Variants in MKLN1 observed in about 807,000 individuals in gnomAD.
The protein encoded by MKLN1 is muskelin.
A neutral mutation model predicts 99.0 loss-of-function variants in MKLN1; 18 were observed. The observed-to-expected ratio is 0.18, with a 90% CI of 0.13 to 0.27. MKLN1 has a LOEUF of 0.27. Among genes scored for constraint, MKLN1 ranks in the 10% least tolerant of loss-of-function variants. The pLI is 1.00. For synonymous variants in MKLN1, 288 were observed against 293.2 expected (o/e 0.98, Z 0.18); for missense variants, 621 against 875.9 (o/e 0.71, Z 3.67).
At chr7:131,305,963 C>T (rs901175725) in intron 3 of MKLN1, among the ~76,000 whole-genome samples, 3 of 152,242 alleles carry the variant, frequency 2.0e-5, no homozygotes, top group South Asian at 2.1e-4. Flanking sequence ...ATAATCCCCA[C>T]GTGTCAGGGA....
At chr7:131,260,852 C>T (rs1213100017) in intron 3 of MKLN1, among the ~76,000 whole-genome samples, 1 of 152,096 alleles carries the variant, frequency 6.6e-6, no homozygotes, top group African/African-American at 2.4e-5. Flanking sequence ...CACCTACAAC[C>T]ATCTGATGTT....
intron 1 of MKLN1, among the ~76,000 whole-genome samples, chr7:131,129,801 C>T (rs1795521338): frequency 6.6e-6 from 1 of 152,130 alleles, no homozygotes; most frequent in African/African-American, 2.4e-5. Flanking sequence ...GTCTTGAACT[C>T]CCAGCCTCAA....
chr7:131,394,851 C>G (rs1794309617), intron 4 of MKLN1, among the ~76,000 whole-genome samples: 1 of 151,972 alleles, frequency 6.6e-6, no homozygotes, highest in Admixed American at 6.6e-5. Flanking sequence ...CATTAAAATT[C>G]ACTGGTCTAT....
intron 2 of MKLN1, among the ~76,000 whole-genome samples, chr7:131,159,447 T>G (rs1796015065): frequency 6.6e-6 from 1 of 152,182 alleles, no homozygotes; most frequent in Non-Finnish European, 1.5e-5. Flanking sequence ...GTCATTTTGT[T>G]AAGTGAAATA....
intron 9 of MKLN1, among the ~76,000 whole-genome samples, chr7:131,429,425 CTG>C (rs1031952620): frequency 1.1e-4 from 16 of 152,244 alleles, no homozygotes; most frequent in African/African-American, 3.6e-4. Flanking sequence ...AGAAATGTAA[CTG>C]TGTAACTGTC....
chr7:131,376,249 C>G (rs1192368153), intron 2 of MKLN1, among the ~76,000 whole-genome samples: 1 of 148,832 alleles, frequency 6.7e-6, no homozygotes, highest in Non-Finnish European at 1.5e-5. Context: ...TTTTTGGGAG[C>G]CGCAGTGGCT....
intron 17 of MKLN1, among the ~76,000 whole-genome samples, chr7:131,483,421 A>C (rs1035307629): frequency 4.6e-5 from 7 of 152,198 alleles, no homozygotes; most frequent in Non-Finnish European, 1.0e-4. Context: ...CAAAGAGTAC[A>C]GAGTTAGGTT....
intron 1 of MKLN1, among the ~76,000 whole-genome samples, chr7:131,114,939 A>G (rs1341902588): frequency 7.0e-6 from 1 of 142,484 alleles, no homozygotes; most frequent in Non-Finnish European, 1.6e-5. Context: ...CTGTCTCAAG[A>G]AAAAAAAAAA....
chr7:131,205,557 G>A (rs2116418756), intron 3 of MKLN1, among the ~76,000 whole-genome samples: 1 of 152,172 alleles, frequency 6.6e-6, no homozygotes, highest in South Asian at 2.1e-4. Flanking sequence ...CAGAAGTCCT[G>A]GTGGGCTTGG....
chr7:131,414,917 G>T (rs534378152), intron 8 of MKLN1, among the ~76,000 whole-genome samples: 46 of 152,146 alleles, frequency 3.0e-4, no homozygotes, highest in African/African-American at 1.1e-3. Context: ...TATTTTCATG[G>T]AAAACTGGTG....
intron 15 of MKLN1, among the ~76,000 whole-genome samples, chr7:131,468,324 ACATT>A (rs1487695272): frequency 6.6e-6 from 1 of 152,234 alleles, no homozygotes; most frequent in Non-Finnish European, 1.5e-5. Context: ...GGACATCGCT[ACATT>A]ATAGACAGAA....
At chr7:131,479,606 C>T (rs983660007) in intron 17 of MKLN1, among the ~76,000 whole-genome samples, 2 of 149,354 alleles carry the variant, frequency 1.3e-5, no homozygotes, top group East Asian at 4.0e-4. Flanking sequence ...GCAGGAGGAT[C>T]ACGAGGTCAG....
rs546267443 is a variant in MKLN1, at chr7:131,197,303, G to A, written c.-296-5554G>A. 3.3e-5 allele frequency among the ~76,000 whole-genome samples: 5 copies of A among 151,524 alleles called. No homozygotes were observed. In the East Asian group the frequency reaches 7.7e-4, roughly 23 times the overall value. On this transcript the variant is annotated intron_variant, in intron 2 of 7. Coordinates refer to the MKLN1 transcript ENST00000416992. ...TCTGCAGCCTTGACCTCTTGGGCTC[G>A]AGCAATCCTCCCACTTCAGCCCCCT...
intron 3 of MKLN1, among the ~76,000 whole-genome samples, chr7:131,224,802 A>ATG (rs1797116908): frequency 6.6e-6 from 1 of 151,492 alleles, no homozygotes; most frequent in Non-Finnish European, 1.5e-5. Context: ...GGCTGGGCGC[A>ATG]GTGGCTCATG....
intron 16 of MKLN1, among the ~76,000 whole-genome samples, chr7:131,474,511 C>T (rs1033437568): frequency 2.0e-5 from 3 of 152,218 alleles, no homozygotes; most frequent in Non-Finnish European, 2.9e-5. Flanking sequence ...AATCCTTAGG[C>T]CAGTACATAC....
intron 1 of MKLN1, among the ~76,000 whole-genome samples, chr7:131,129,481 T>C (rs959271505): frequency 6.6e-6 from 1 of 152,242 alleles, no homozygotes; most frequent in African/African-American, 2.4e-5. Flanking sequence ...AAAAGAATTA[T>C]TGCATAAATT....
At chr7:131,291,320 G>A (rs1203874576) in intron 3 of MKLN1, among the ~76,000 whole-genome samples, 1 of 150,872 alleles carries the variant, frequency 6.6e-6, no homozygotes, top group African/African-American at 2.4e-5. Flanking sequence ...TAGTAGAGAT[G>A]GGGTTTCATC....
intron 8 of MKLN1, among the ~76,000 whole-genome samples, chr7:131,428,555 G>C (rs1795427459): frequency 6.6e-6 from 1 of 152,106 alleles, no homozygotes; most frequent in African/African-American, 2.4e-5. Context: ...TTCTTATGCT[G>C]TACTTTTACA....
In MKLN1 at chr7:131,139,296, T is replaced by C. The variant is rs1795696539; in HGVS notation, c.-418-3524T>C. 1.3e-5 allele frequency among the ~76,000 whole-genome samples: 2 copies of C among 151,960 alleles called. 1 individual carries two copies. The highest frequency in any genetic ancestry group is 1.3e-4 in the Admixed American group (2 of 15,264). Reference sequence around the variant, plus strand: ...CAGCATCATTGTGGCCTCTGTGTGGTCTATTGGCTCTAACCCATTTTTGGC... The same window carrying C: ...CAGCATCATTGTGGCCTCTGTGTGGCCTATTGGCTCTAACCCATTTTTGGC... On this transcript the variant is annotated intron_variant, in intron 1 of 7. Coordinates refer to the MKLN1 transcript ENST00000416992.
Sources: gnomAD v4.1 joint callset for allele counts (sites outside exome capture counted in the v4.1 genomes callset) on GRCh38, gnomAD v4.1.1 for gene constraint, MANE v1.5 for transcripts, NCBI Gene and HGNC (gene_info 2026-07-23, HGNC 2026-07-21) for gene names.